FEZ1: variants seen among roughly 807,000 people sequenced by gnomAD.
FEZ1 encodes the protein fasciculation and elongation protein zeta 1.
A neutral mutation model predicts 49.3 loss-of-function variants in FEZ1; 20 were observed. The observed-to-expected ratio is 0.41, with a 90% CI of 0.29 to 0.59. The LOEUF (loss-of-function observed/expected upper bound fraction) is 0.59, where lower values mean the gene tolerates loss of function less well. Ranked by LOEUF, FEZ1 falls within the 20% of genes least tolerant of loss-of-function variation. The pLI is 0.36. For missense variants in FEZ1, 413 were observed against 476.0 expected (o/e 0.87, Z 1.23); for synonymous variants, 170 against 180.9 (o/e 0.94, Z 0.48).
intron 1 of FEZ1, among the ~76,000 whole-genome samples, chr11:125,490,591 C>T (rs1282575420): frequency 2.6e-5 from 4 of 151,760 alleles, no homozygotes; most frequent in Admixed American, 6.6e-5. Flanking sequence ...GATGTGGTGG[C>T]TCATGCTTGT....
At chr11:125,454,915 G>A (rs1956994242) in intron 6 of FEZ1, among the ~76,000 whole-genome samples, 1 of 151,122 alleles carries the variant, frequency 6.6e-6, no homozygotes, top group African/African-American at 2.4e-5. Flanking sequence ...TCAGGAGGTT[G>A]AGACAGGAGA....
rs376586793 is a variant in FEZ1, at chr11:125,489,614, C to T, written c.164G>A (p.Ser55Asn). Residue 55 changes from serine to asparagine, a missense_variant, in exon 2 of 10, where the codon AGC (serine) becomes AAC (asparagine). Transcript: ENST00000278919. This position sits in a 1 kb window ranked among gnomAD's most constrained non-coding sequence, Gnocchi z 4.2. ...TACGAGGTCCTCCATGGACTTGAAGCTGATTATTTCGGAAGAAAAATTCTC... is the reference window on the plus strand; with the variant it reads ...TACGAGGTCCTCCATGGACTTGAAGTTGATTATTTCGGAAGAAAAATTCTC... Reference protein sequence around the residue: ...ELENFSSEIISFKSMEDLVNE... With the variant: ...ELENFSSEIINFKSMEDLVNE... 1 of 1,614,150 alleles carries T rather than the reference C, an allele frequency of 6.2e-7. No individual in the cohort carries two copies. The highest frequency in any genetic ancestry group is 1.7e-5 in the Admixed American group (1 of 60,014).
intron 2 of FEZ1, among the ~76,000 whole-genome samples, chr11:125,483,889 G>A (rs1957305731): frequency 6.6e-6 from 1 of 152,322 alleles, no homozygotes; most frequent in Middle Eastern, 3.4e-3. Context: ...ATCATTTAGA[G>A]TGCCCGCTTT....
intron 3 of FEZ1, among the ~76,000 whole-genome samples, chr11:125,465,970 G>A (rs1957126227): frequency 6.6e-6 from 1 of 152,200 alleles, no homozygotes; most frequent in Admixed American, 6.5e-5. Context: ...TGCACAGGGT[G>A]GAGAGCTGGA....
rs1161997412 is a variant in FEZ1, at chr11:125,445,612, C to T, written c.*483G>A. ...CCCATGATCCCACCACGACCCACAA[C>T]AGGACATGCGCCCGGTCCCTAAACA... On this transcript the variant is annotated 3_prime_UTR_variant, in exon 10 of 10. Coordinates refer to ENST00000278919, the MANE Select transcript of FEZ1 (RefSeq NM_005103.5). This position sits in a 1 kb window ranked among gnomAD's most constrained non-coding sequence, Gnocchi z 4.4. The T allele has an allele frequency of 1.1e-5, 3 of 270,956 alleles. No homozygotes were observed. Among genetic ancestry groups the T allele is most frequent in the African/African-American group, 2.2e-5 (1 of 44,954 alleles). 16.8% of individuals were successfully genotyped at this position (270,956 alleles called of 1,614,324 possible).
intron 3 of FEZ1, among the ~76,000 whole-genome samples, chr11:125,478,720 T>G (rs1486393583): frequency 2.6e-5 from 4 of 152,184 alleles, no homozygotes; most frequent in Non-Finnish European, 4.4e-5. Context: ...ATGGGTTAGA[T>G]AGAAGAAATA....
At chr11:125,471,431 TACACAC>T (rs34965918) in intron 3 of FEZ1, among the ~76,000 whole-genome samples, 3,381 of 147,940 alleles carry the variant, frequency 0.023, 119 homozygotes, top group African/African-American at 0.075. Context: ...TTGAGATAGA[TACACAC>T]ACACACACAC....
chr11:125,468,727 C>T (rs566781897), intron 3 of FEZ1, among the ~76,000 whole-genome samples: 24 of 152,138 alleles, frequency 1.6e-4, no homozygotes, highest in Admixed American at 1.1e-3. Flanking sequence ...TTAAACTTGG[C>T]GAGAGCAGGC....
At chr11:125,457,594 G>T (rs895872153) in intron 5 of FEZ1, among the ~76,000 whole-genome samples, 2 of 146,698 alleles carry the variant, frequency 1.4e-5, no homozygotes, top group Non-Finnish European at 1.5e-5. Context: ...TCTTTTTGCG[G>T]CAGGGGAGGA....
intron 2 of FEZ1, among the ~76,000 whole-genome samples, chr11:125,483,959 C>T (rs1957306200): frequency 1.3e-5 from 2 of 152,284 alleles, no homozygotes; most frequent in East Asian, 1.9e-4. Flanking sequence ...ACATTTTTAG[C>T]GACAATTCCC....
intron 3 of FEZ1, among the ~76,000 whole-genome samples, chr11:125,470,660 G>A (rs113907452): frequency 2.0e-5 from 3 of 152,098 alleles, no homozygotes; most frequent in African/African-American, 2.4e-5. Context: ...TGAAATAAAT[G>A]AGATAAATAA....
At chr11:125,463,257 G>T in intron 4 of FEZ1, 2 of 290,072 alleles carry the variant, frequency 6.9e-6, no homozygotes, top group Non-Finnish European at 1.3e-5. Flanking sequence ...AATGAGCCAA[G>T]ATCACGCCAC....
chr11:125,482,354 G>T lies in FEZ1; in HGVS notation c.312-721C>A, dbSNP rs1013637403. On this transcript the variant is annotated intron_variant, in intron 2 of 9. Transcript: ENST00000278919. Reference sequence around the variant, plus strand: ...TCACGGACACTCTCAGGTAAATACTGTATATAAAAGAAACCAATAAATACA... The same window carrying T: ...TCACGGACACTCTCAGGTAAATACTTTATATAAAAGAAACCAATAAATACA... Among the ~76,000 whole-genome samples, 4 of 152,238 alleles carry T rather than the reference G, an allele frequency of 2.6e-5. No individual in the cohort carries two copies. The South Asian group carries it at 8.3e-4, about 32-fold the overall frequency.
At chr11:125,446,526 C>T (rs899146137) in intron 9 of FEZ1, among the ~76,000 whole-genome samples, 2 of 152,196 alleles carry the variant, frequency 1.3e-5, no homozygotes, top group Admixed American at 6.5e-5. Context: ...TCCAGCCCTC[C>T]GACTACCAAA....
intron 3 of FEZ1, among the ~76,000 whole-genome samples, chr11:125,474,823 G>A (rs1957215787): frequency 6.6e-6 from 1 of 152,168 alleles, no homozygotes; most frequent in South Asian, 2.1e-4. Context: ...GGGAGGCAGA[G>A]GTTGCAGTGA....
chr11:125,467,007 A>G (rs1957136839), intron 3 of FEZ1, among the ~76,000 whole-genome samples: 1 of 150,462 alleles, frequency 6.6e-6, no homozygotes, highest in Non-Finnish European at 1.5e-5. Flanking sequence ...AGTAAAAAAA[A>G]AAAAAGAAAT....
intron 7 of FEZ1, 54 bp from the exon 8 acceptor site, chr11:125,452,463 G>C (rs765413775): frequency 8.3e-7 from 1 of 1,209,108 alleles, no homozygotes. Flanking sequence ...GCTTCCTCTG[G>C]GTTGAGATTT....
chr11:125,445,171 G>A lies in FEZ1; in HGVS notation c.*924C>T, dbSNP rs7935039. Among the ~76,000 whole-genome samples the A allele has an allele frequency of 0.12, 18,321 of 152,228 alleles. 1,521 individuals carry two copies. Among genetic ancestry groups the A allele is most frequent in the African/African-American group, 0.24 (9,902 of 41,508 alleles). On this transcript the variant is annotated 3_prime_UTR_variant, in exon 10 of 10. Coordinates refer to ENST00000278919, the MANE Select transcript of FEZ1 (RefSeq NM_005103.5). The surrounding 1 kb of genome is among the most constrained non-coding windows in gnomAD (Gnocchi z 4.4). Reference sequence around the variant, plus strand: ...TCAGAGCTGCTGTTCATGGAGGGCCGCGGGAAGGGCCAGGACAGCACTGCA... The same window carrying A: ...TCAGAGCTGCTGTTCATGGAGGGCCACGGGAAGGGCCAGGACAGCACTGCA...
At position 125,484,715 on chromosome 11, in the gene FEZ1, G is replaced by A. The variant is rs73628436; in HGVS notation, c.312-3082C>T. Among the ~76,000 whole-genome samples the A allele has an allele frequency of 5.0e-3, 755 of 152,064 alleles. 7 individuals carry two copies. The highest frequency in any genetic ancestry group is 0.017 in the African/African-American group (696 of 41,496). ...AAAAAAAAAAAGAAACTGGCTCTGCGTGAGAAACCCATACGTACGATGATC... is the reference window on the plus strand; with the variant it reads ...AAAAAAAAAAAGAAACTGGCTCTGCATGAGAAACCCATACGTACGATGATC... On this transcript the variant is annotated intron_variant, in intron 2 of 9. Transcript: ENST00000278919.
Sources: allele counts gnomAD v4.1 joint callset (sites outside exome capture counted in the v4.1 genomes callset), GRCh38; gene constraint gnomAD v4.1.1; non-coding constraint Gnocchi (gnomAD v3.1); transcripts MANE v1.5; gene names NCBI Gene and HGNC (gene_info 2026-07-23, HGNC 2026-07-21).